Variants in CDH20 observed in about 807,000 individuals in gnomAD.
CDH20 encodes the protein cadherin-20.
In CDH20, 29 loss-of-function variants were observed where a neutral mutation model predicts 74.2. The observed-to-expected ratio is 0.39, with a 90% CI of 0.29 to 0.53. The LOEUF (loss-of-function observed/expected upper bound fraction) is 0.53. Among genes scored for constraint, CDH20 ranks in the 20% least tolerant of loss-of-function variants. The pLI, the probability that CDH20 is intolerant of heterozygous loss-of-function variation, is 0.69. For missense variants in CDH20, 988 were observed against 1,048.3 expected, an observed-to-expected ratio of 0.94 and a Z score of 0.79; for synonymous variants, 469 against 405.4, an observed-to-expected ratio of 1.16 and a Z score of -1.88.
At chr18:61,483,052 C>T (rs1376820844) in intron 1 of CDH20, among the ~76,000 whole-genome samples, 1 of 152,122 alleles carries the variant, frequency 6.6e-6, no homozygotes, top group South Asian at 2.1e-4. Flanking sequence ...ACTGGGAATG[C>T]CCTTTTATTT....
intron 1 of CDH20, among the ~76,000 whole-genome samples, chr18:61,446,329 C>A (rs1410996993): frequency 6.6e-6 from 1 of 152,150 alleles, no homozygotes; most frequent in Non-Finnish European, 1.5e-5. Flanking sequence ...AAGGGACCAT[C>A]AAACACAAGA....
chr18:61,355,222 T>C (rs1200521269), intron 1 of CDH20, among the ~76,000 whole-genome samples: 3 of 152,260 alleles, frequency 2.0e-5, no homozygotes, highest in Non-Finnish European at 4.4e-5. Flanking sequence ...CAAATTATTC[T>C]ACTGTTTTTA....
chr18:61,506,560 A>G (rs1911568011), intron 5 of CDH20, among the ~76,000 whole-genome samples: 1 of 152,214 alleles, frequency 6.6e-6, no homozygotes, highest in Non-Finnish European at 1.5e-5. Context: ...ATTATGATTG[A>G]CAAAATAACA....
rs577358184 is a variant in CDH20 at position 61,396,353 on chromosome 18, C to T, written c.-153+62526C>T. ...TTTTGGAAATCAATAATTTAATTTA[C>T]TAAAAATTAACAATTTTTTAAAACC... On this transcript the variant is annotated intron_variant, in intron 1 of 11. Transcript: ENST00000262717. 9.2e-5 allele frequency among the ~76,000 whole-genome samples: 14 copies of T among 152,270 alleles called. No individual in the cohort carries two copies. In the South Asian group the frequency reaches 2.3e-3, roughly 25 times the overall value.
intron 1 of CDH20, among the ~76,000 whole-genome samples, chr18:61,425,914 G>A (rs1352680263): frequency 6.6e-6 from 1 of 152,112 alleles, no homozygotes; most frequent in Non-Finnish European, 1.5e-5. Context: ...CATGTTCGTG[G>A]ATTGGAAGAC....
At chr18:61,415,731 T>C (rs1008757303) in intron 1 of CDH20, among the ~76,000 whole-genome samples, 50 of 152,210 alleles carry the variant, frequency 3.3e-4, no homozygotes, top group Non-Finnish European at 1.5e-5. Context: ...TCTCTTTCCT[T>C]TATCATTTTG....
chr18:61,385,357 A>G (rs914278859), intron 1 of CDH20, among the ~76,000 whole-genome samples: 38 of 152,156 alleles, frequency 2.5e-4, no homozygotes, highest in Non-Finnish European at 4.6e-4. Flanking sequence ...AGATTAAAAT[A>G]CAAATAAATA....
At chr18:61,400,211 T>C (rs1912111364) in intron 1 of CDH20, among the ~76,000 whole-genome samples, 1 of 152,124 alleles carries the variant, frequency 6.6e-6, no homozygotes, top group South Asian at 2.1e-4. Context: ...GCAGCCTCTT[T>C]CCAAATTCTA....
chr18:61,336,235 C>T (rs1225615054), intron 1 of CDH20, among the ~76,000 whole-genome samples: 3 of 152,196 alleles, frequency 2.0e-5, no homozygotes, highest in Non-Finnish European at 4.4e-5. Flanking sequence ...CTCTCAGATT[C>T]AGGAAGAGGA....
At chr18:61,426,074 C>G (rs1186050838) in intron 1 of CDH20, among the ~76,000 whole-genome samples, 1 of 152,038 alleles carries the variant, frequency 6.6e-6, no homozygotes, top group Non-Finnish European at 1.5e-5. Flanking sequence ...CTTTGTTGAA[C>G]TCATTCATTA....
intron 1 of CDH20, among the ~76,000 whole-genome samples, chr18:61,428,718 A>G (rs541541025): frequency 6.6e-6 from 1 of 152,154 alleles, no homozygotes; most frequent in Non-Finnish European, 1.5e-5. Context: ...GAATCACCAC[A>G]TCTCTCAGAC....
intron 1 of CDH20, among the ~76,000 whole-genome samples, chr18:61,431,533 A>G (rs1322644017): frequency 6.6e-6 from 1 of 152,196 alleles, no homozygotes; most frequent in Non-Finnish European, 1.5e-5. Flanking sequence ...TGTAAGAGGA[A>G]ACTAATAGGG....
intron 1 of CDH20, among the ~76,000 whole-genome samples, chr18:61,350,853 C>T (rs145789078): frequency 1.3e-5 from 2 of 152,170 alleles, no homozygotes; most frequent in Non-Finnish European, 2.9e-5. Context: ...TGCAGAGGAT[C>T]TTTCAGTGTT....
intron 1 of CDH20, among the ~76,000 whole-genome samples, chr18:61,357,708 AG>A (rs1329615083): frequency 1.3e-5 from 2 of 152,196 alleles, no homozygotes; most frequent in African/African-American, 4.8e-5. Context: ...CAATGTTGCA[AG>A]GCTGTTGAAA....
Position 61,354,014 on chromosome 18 carries a change from A to G in CDH20, c.-153+20187A>G, listed in dbSNP as rs118164276. On this transcript the variant is annotated intron_variant, in intron 1 of 11. Coordinates refer to ENST00000262717, the MANE Select transcript of CDH20 (RefSeq NM_031891.4). ...TGAGCCAAGATTGGGCCACACACTC[A>G]GCCTGGGTGACAGACAGAGACCCTG... is the stretch of plus-strand genomic sequence containing the variant. Among the ~76,000 whole-genome samples, 652 of 150,626 alleles carry G rather than the reference A, an allele frequency of 4.3e-3. 10 individuals carry two copies. The highest frequency in any genetic ancestry group is 0.033 in the South Asian group (159 of 4,752).
At chr18:61,419,137 C>T (rs1338607740) in intron 1 of CDH20, among the ~76,000 whole-genome samples, 1 of 152,126 alleles carries the variant, frequency 6.6e-6, no homozygotes, top group African/African-American at 2.4e-5. Flanking sequence ...AATCATAGCT[C>T]ACTGTACTCT....
In CDH20 at chr18:61,554,718, C is replaced by T. The variant is rs1343751779; in HGVS notation, c.*23C>T. On this transcript the variant is annotated 3_prime_UTR_variant, in exon 12 of 12. Transcript: ENST00000262717. Reference sequence around the variant, plus strand: ...TGACGGAAGCCAGGAGGCAGGCGCGCGTCCAAATCCAGACGTTCTCCGCGG... The same window carrying T: ...TGACGGAAGCCAGGAGGCAGGCGCGTGTCCAAATCCAGACGTTCTCCGCGG... 6.6e-7 allele frequency: 1 copy of T among 1,522,202 alleles called. No homozygotes were observed. The highest frequency in any genetic ancestry group is 2.4e-5 in the East Asian group (1 of 41,992). 94.3% of individuals were successfully genotyped at this position (1,522,202 alleles called of 1,614,324 possible).
chr18:61,371,148 T>C (rs1271169257), intron 1 of CDH20, among the ~76,000 whole-genome samples: 3 of 152,136 alleles, frequency 2.0e-5, no homozygotes, highest in Admixed American at 6.6e-5. Context: ...TTGTGTTTTC[T>C]AGGTTTTAAA....
chr18:61,494,765 T>C (rs1410544184), intron 2 of CDH20, among the ~76,000 whole-genome samples: 1 of 152,174 alleles, frequency 6.6e-6, no homozygotes, highest in Non-Finnish European at 1.5e-5. Context: ...TAGATTATAT[T>C]GACATATGCA....
Sources: allele counts gnomAD v4.1 joint callset (sites outside exome capture counted in the v4.1 genomes callset), GRCh38; gene constraint gnomAD v4.1.1; transcripts MANE v1.5; gene names NCBI Gene and HGNC (gene_info 2026-07-23, HGNC 2026-07-21).